The following PTCHD4 variants were observed in gnomAD, a reference collection of about 807,000 sequenced individuals.
PTCHD4 encodes patched domain containing 4.
A neutral mutation model predicts 58.1 loss-of-function variants in PTCHD4; 33 were observed. That is an observed-to-expected ratio of 0.57 (90% confidence interval 0.43 to 0.76). The LOEUF (loss-of-function observed/expected upper bound fraction) is 0.76. Among genes scored for constraint, PTCHD4 ranks in the 30% least tolerant of loss-of-function variants. PTCHD4 has a pLI of 0.00. For synonymous variants in PTCHD4, 478 were observed against 409.6 expected, an observed-to-expected ratio of 1.17 and a Z score of -2.02; for missense variants, 1,058 against 1,027.1, an observed-to-expected ratio of 1.03 and a Z score of -0.41.
At chr6:47,943,580 A>G (rs956076460) in intron 4 of PTCHD4, among the ~76,000 whole-genome samples, 1 of 152,110 alleles carries the variant, frequency 6.6e-6, no homozygotes, top group Non-Finnish European at 1.5e-5. Context: ...TGTGCCTGGA[A>G]AATTACAGTT....
intron 4 of PTCHD4, among the ~76,000 whole-genome samples, chr6:47,881,104 A>G (rs138240829): frequency 6.6e-6 from 1 of 152,166 alleles, no homozygotes; most frequent in Non-Finnish European, 1.5e-5. Context: ...CATTAGACAA[A>G]GACATAGCTG....
intron 3 of PTCHD4, among the ~76,000 whole-genome samples, chr6:48,023,488 C>T (rs984007125): frequency 6.6e-6 from 1 of 152,246 alleles, no homozygotes; most frequent in East Asian, 1.9e-4. Context: ...CTCATTCTAG[C>T]CCTGGAGAGC....
In PTCHD4 at chr6:47,877,173, A is replaced by C; in HGVS notation, c.*1130T>G. Among the ~76,000 whole-genome samples the C allele has an allele frequency of 6.6e-6, 1 of 151,998 alleles. No homozygotes were observed. The highest frequency in any genetic ancestry group is 1.9e-4 in the East Asian group (1 of 5,174). On this transcript the variant is annotated 3_prime_UTR_variant, in exon 5 of 5. Transcript: ENST00000339488. Reference sequence around the variant, plus strand: ...GAGTGGGTATGGTCCATTTTATTCTATTTCACTCTACGAGTTTCCTAGTTA... The same window carrying C: ...GAGTGGGTATGGTCCATTTTATTCTCTTTCACTCTACGAGTTTCCTAGTTA...
chr6:48,105,152 C>T (rs1332636224), intron 1 of PTCHD4, among the ~76,000 whole-genome samples: 2 of 152,132 alleles, frequency 1.3e-5, no homozygotes, highest in Admixed American at 1.3e-4. Context: ...AATATACATT[C>T]TTTTCAGCAC....
chr6:48,052,997 A>T (rs2114173835), intron 3 of PTCHD4, among the ~76,000 whole-genome samples: 1 of 152,230 alleles, frequency 6.6e-6, no homozygotes, highest in Non-Finnish European at 1.5e-5. Context: ...TGTAGCTGGA[A>T]CTACTTTAAA....
Position 47,864,231 on chromosome 6 carries a change from A to G in PTCHD4, c.*14072T>C, listed in dbSNP as rs1763498914. On this transcript the variant is annotated 3_prime_UTR_variant, in exon 5 of 5. Transcript: ENST00000339488. The stretch of plus-strand genomic sequence containing the variant: ...GGGATATGCAGGCTGTGCTTTGACA[A>G]GCCCTCCAGGTGATTTTGATACATG... Among the ~76,000 whole-genome samples, 1 of 151,840 alleles carries G rather than the reference A, an allele frequency of 6.6e-6. No homozygotes were observed. Among genetic ancestry groups the G allele is most frequent in the Non-Finnish European group, 1.5e-5 (1 of 67,878 alleles).
chr6:47,931,376 A>T (rs1386714048), intron 4 of PTCHD4, among the ~76,000 whole-genome samples: 1 of 152,184 alleles, frequency 6.6e-6, no homozygotes, highest in East Asian at 1.9e-4. Context: ...TTTTTGGGAC[A>T]AGTTTTCCCA....
chr6:47,907,960 G>T (rs1764954015), intron 4 of PTCHD4, among the ~76,000 whole-genome samples: 1 of 152,064 alleles, frequency 6.6e-6, no homozygotes, highest in Admixed American at 6.6e-5. Flanking sequence ...GCTGGAGAAA[G>T]GTTTTCTTTA....
At position 47,869,741 on chromosome 6, in the gene PTCHD4, TAA is replaced by T. The variant is rs888946155; in HGVS notation, c.*8560_*8561del. ...GTTTAAAGGATAAAAAATTACATTA[TAA>T]GTTTTAGAACTTGTGATTCAATAAA... On this transcript the variant is annotated 3_prime_UTR_variant, in exon 5 of 5. Transcript: ENST00000339488. Among the ~76,000 whole-genome samples, 4 of 151,850 alleles carry T rather than the reference TAA, an allele frequency of 2.6e-5. No individual in the cohort carries two copies. The highest frequency in any genetic ancestry group is 2.6e-4 in the Admixed American group (4 of 15,210).
rs74666578 is a variant in PTCHD4 at position 47,898,628 on chromosome 6, C to T, written c.899-18692G>A. 4.2e-3 allele frequency among the ~76,000 whole-genome samples: 634 copies of T among 152,276 alleles called. 8 individuals are homozygous for T. The highest frequency in any genetic ancestry group is 5.4e-3 in the Non-Finnish European group (368 of 68,030). On this transcript the variant is annotated intron_variant, in intron 4 of 4. Coordinates refer to ENST00000339488, the MANE Select transcript of PTCHD4 (RefSeq NM_001384253.1). ...AATAAAGTAAACACAAAGACCTGAG[C>T]TAAGCAGCAATGAGTTGATCAGTTT...
chr6:48,057,267 C>T (rs617597), intron 3 of PTCHD4, among the ~76,000 whole-genome samples: 19,843 of 151,394 alleles, frequency 0.13, 1,281 homozygotes, highest in Admixed American at 0.18. Flanking sequence ...ATGAAAATGG[C>T]TTTCAATGTC....
intron 4 of PTCHD4, among the ~76,000 whole-genome samples, chr6:47,927,264 T>C (rs1012995823): frequency 2.6e-5 from 4 of 152,212 alleles, no homozygotes; most frequent in Non-Finnish European, 5.9e-5. Flanking sequence ...TGTGGGGCTG[T>C]GCCTCTTGTT....
chr6:47,903,721 C>A (rs1054995798), intron 4 of PTCHD4, among the ~76,000 whole-genome samples: 3 of 152,198 alleles, frequency 2.0e-5, no homozygotes, highest in Admixed American at 2.0e-4. Context: ...GAGCAAGTCC[C>A]TTCCCTCATG....
At chr6:48,104,081 A>G (rs1389357966) in intron 1 of PTCHD4, among the ~76,000 whole-genome samples, 7 of 152,162 alleles carry the variant, frequency 4.6e-5, no homozygotes, top group Non-Finnish European at 8.8e-5. Flanking sequence ...CCAACATTCA[A>G]ATTCGGGAAA....
In PTCHD4 at chr6:48,068,387, C is replaced by A; in HGVS notation, c.260G>T (p.Ser87Ile). The A allele has an allele frequency of 6.2e-7, 1 of 1,613,962 alleles. No homozygotes were observed. Among genetic ancestry groups the A allele is most frequent in the Non-Finnish European group, 8.5e-7 (1 of 1,179,884 alleles). Residue 87 changes from serine to isoleucine, a missense_variant, in exon 3 of 5, where the codon AGC becomes ATC. Physicochemically the swap from Ser to Ile is moderately radical, Grantham distance 142 (BLOSUM62 -2). Coordinates refer to ENST00000339488, the MANE Select transcript of PTCHD4 (RefSeq NM_001384253.1). This position sits in a 1 kb window ranked among gnomAD's most constrained non-coding sequence, Gnocchi z 4.2. ...TTTGGACTGGTCCAGGGGGAAAAGG[C>A]TGCTGGCCAGGCTGCGCTCGATCTT... ...LAKIERSLAS[S>I]LFPLDQSKSQ...
chr6:47,997,961 T>C (rs1768567810), intron 4 of PTCHD4, among the ~76,000 whole-genome samples: 1 of 151,410 alleles, frequency 6.6e-6, no homozygotes, highest in Non-Finnish European at 1.5e-5. Flanking sequence ...TATCTCCCAT[T>C]TTTCAACACA....
intron 4 of PTCHD4, among the ~76,000 whole-genome samples, chr6:48,005,830 C>T (rs990366179): frequency 6.6e-6 from 1 of 152,114 alleles, no homozygotes; most frequent in African/African-American, 2.4e-5. Context: ...GCTGAAGATT[C>T]CAAATCCTTT....
At chr6:47,963,561 T>G (rs1210608782) in intron 4 of PTCHD4, among the ~76,000 whole-genome samples, 1 of 152,184 alleles carries the variant, frequency 6.6e-6, no homozygotes, top group African/African-American at 2.4e-5. Flanking sequence ...TTATTCACAA[T>G]AGACAAGAGT....
At chr6:48,035,038 T>C (rs1317743420) in intron 3 of PTCHD4, among the ~76,000 whole-genome samples, 1 of 152,138 alleles carries the variant, frequency 6.6e-6, no homozygotes, top group Non-Finnish European at 1.5e-5. Flanking sequence ...CTATTATTCT[T>C]GTATACCAAA....
Sources: gnomAD v4.1 joint callset for allele counts (sites outside exome capture counted in the v4.1 genomes callset) on GRCh38, gnomAD v4.1.1 for gene constraint, Gnocchi (gnomAD v3.1) non-coding constraint, MANE v1.5 for transcripts, NCBI Gene and HGNC (gene_info 2026-07-23, HGNC 2026-07-21) for gene names.